Variants in DPP6 observed in about 807,000 individuals in gnomAD.
DPP6 encodes dipeptidyl peptidase like 6, also known as A-type potassium channel modulatory protein DPP6.
A neutral mutation model predicts 122.6 loss-of-function variants in DPP6; 69 were observed. The observed-to-expected ratio is 0.56, with a 90% CI of 0.46 to 0.69. The LOEUF (loss-of-function observed/expected upper bound fraction) is 0.69, where lower values mean the gene tolerates loss of function less well. Among genes scored for constraint, DPP6 ranks in the 30% least tolerant of loss-of-function variants. The pLI is 0.00. For missense variants in DPP6, 928 were observed against 1,116.9 expected, an observed-to-expected ratio of 0.83 and a Z score of 2.41; for synonymous variants, 418 against 433.1, an observed-to-expected ratio of 0.97 and a Z score of 0.43.
At chr7:154,812,898 A>T (rs1799159341) in intron 16 of DPP6, among the ~76,000 whole-genome samples, 1 of 151,914 alleles carries the variant, frequency 6.6e-6, no homozygotes, top group Non-Finnish European at 1.5e-5. Context: ...GCTTTCTCTA[A>T]TTTTTCATTA....
chr7:154,421,701 T>G (rs1294857227), intron 1 of DPP6, among the ~76,000 whole-genome samples: 1 of 152,160 alleles, frequency 6.6e-6, no homozygotes, highest in African/African-American at 2.4e-5. Context: ...TCTAAGACTT[T>G]GATGTGTATG....
intron 1 of DPP6, among the ~76,000 whole-genome samples, chr7:154,280,161 G>A (rs1804407703): frequency 6.6e-6 from 1 of 152,002 alleles, no homozygotes. Flanking sequence ...TGTCACTACT[G>A]CAAGCAGCAT....
intron 1 of DPP6, among the ~76,000 whole-genome samples, chr7:154,135,067 A>G (rs1795477539): frequency 6.6e-6 from 1 of 150,552 alleles, no homozygotes; most frequent in Non-Finnish European, 1.5e-5. Context: ...TATACTTCCT[A>G]TGAGCCCATA....
chr7:153,772,834 T>C, the DPP6 span, among the ~76,000 whole-genome samples: 1 of 147,276 alleles, frequency 6.8e-6, no homozygotes, highest in Admixed American at 6.7e-5. Context: ...TTGCCTCTGA[T>C]ATAAAAGACT....
intron 1 of DPP6, among the ~76,000 whole-genome samples, chr7:153,966,609 TTA>T (rs751186738): frequency 0.26 from 20,552 of 80,314 alleles, 4,205 homozygotes; most frequent in East Asian, 0.43. Context: ...CCCTTTTTTT[TTA>T]AAAAATTATA....
chr7:154,616,158 C>G (rs1834241224), intron 5 of DPP6, among the ~76,000 whole-genome samples: 1 of 152,178 alleles, frequency 6.6e-6, no homozygotes, highest in African/African-American at 2.4e-5. Context: ...AGTCACCCCA[C>G]TGAAAAGCCC....
chr7:154,086,175 G>A (rs573432405), intron 1 of DPP6, among the ~76,000 whole-genome samples: 1 of 152,290 alleles, frequency 6.6e-6, no homozygotes, highest in South Asian at 2.1e-4. Context: ...TCTGAGTCAG[G>A]TCAAGATGAA....
intron 1 of DPP6, among the ~76,000 whole-genome samples, chr7:153,992,737 A>G (rs4565381): frequency 3.3e-5 from 5 of 152,208 alleles, no homozygotes; most frequent in African/African-American, 9.6e-5. Flanking sequence ...CTCTTCTCCT[A>G]CATGCAATTG....
intron 1 of DPP6, among the ~76,000 whole-genome samples, chr7:154,329,802 A>T (rs1173099856): frequency 6.6e-6 from 1 of 152,198 alleles, no homozygotes; most frequent in Admixed American, 6.5e-5. Context: ...TGATAGACTG[A>T]ATAAAGAAAA....
intron 5 of DPP6, among the ~76,000 whole-genome samples, chr7:154,631,627 A>C (rs1370807703): frequency 6.6e-6 from 1 of 151,704 alleles, no homozygotes; most frequent in African/African-American, 2.4e-5. Flanking sequence ...AGATTGCACC[A>C]CTGCACTCCA....
chr7:154,249,679 T>C (rs1802223815), intron 1 of DPP6, among the ~76,000 whole-genome samples: 1 of 152,194 alleles, frequency 6.6e-6, no homozygotes, highest in African/African-American at 2.4e-5. Flanking sequence ...TTGTAGGTCA[T>C]GGCTTCTTGA....
At chr7:154,189,327 A>C (rs148731499) in intron 1 of DPP6, among the ~76,000 whole-genome samples, 1 of 152,340 alleles carries the variant, frequency 6.6e-6, no homozygotes, top group East Asian at 1.9e-4. Flanking sequence ...AACCTGCCTG[A>C]ATCAGATTTC....
chr7:154,252,059 G>A (rs1454634453), intron 1 of DPP6, among the ~76,000 whole-genome samples: 1 of 152,240 alleles, frequency 6.6e-6, no homozygotes, highest in Non-Finnish European at 1.5e-5. Flanking sequence ...GGCTTGCAAT[G>A]TACAGTCTAG....
chr7:154,136,813 CA>C, intron 1 of DPP6, among the ~76,000 whole-genome samples: 1 of 152,332 alleles, frequency 6.6e-6, no homozygotes, highest in Admixed American at 6.5e-5. Context: ...CATTAATCTA[CA>C]AACATATGCC....
At chr7:154,302,755 G>C (rs561274583) in intron 1 of DPP6, among the ~76,000 whole-genome samples, 148 of 152,336 alleles carry the variant, frequency 9.7e-4, no homozygotes, top group African/African-American at 3.5e-3. Context: ...GGATTCCCCA[G>C]CATGCACCGC....
intron 6 of DPP6, among the ~76,000 whole-genome samples, chr7:154,664,049 CG>C (rs1837969986): frequency 1.8e-5 from 1 of 56,128 alleles, no homozygotes; most frequent in African/African-American, 4.8e-5. Context: ...CATGGCATAT[CG>C]GCCGTAGTGT....
chr7:153,791,914 A>G, the DPP6 span, among the ~76,000 whole-genome samples: 1 of 152,224 alleles, frequency 6.6e-6, no homozygotes. Flanking sequence ...GACCATGTGT[A>G]TCTCCAGTCT....
At chr7:154,245,635 C>CAAAAAA (rs71182888) in intron 1 of DPP6, among the ~76,000 whole-genome samples, 2 of 100,666 alleles carry the variant, frequency 2.0e-5, no homozygotes, top group African/African-American at 8.1e-5. Context: ...AAGACTGTCT[C>CAAAAAA]AAAAAAAAAA....
chr7:154,724,135 T>G (rs542558201), intron 7 of DPP6, among the ~76,000 whole-genome samples: 1 of 152,268 alleles, frequency 6.6e-6, no homozygotes, highest in Non-Finnish European at 1.5e-5. Context: ...TGACTTTGGG[T>G]TGGTCTGGTG....
Sources: gnomAD v4.1 joint callset for allele counts (sites outside exome capture counted in the v4.1 genomes callset) on GRCh38, gnomAD v4.1.1 for gene constraint, MANE v1.5 for transcripts, NCBI Gene and HGNC (gene_info 2026-07-23, HGNC 2026-07-21) for gene names.